Variants in KAT6B observed in about 807,000 individuals in gnomAD.
KAT6B encodes histone acetyltransferase KAT6B.
In KAT6B, 10 loss-of-function variants were observed where a neutral mutation model predicts 187.5. The ratio of observed to expected loss-of-function variants is 0.05; its 90% CI spans 0.03 to 0.09. The LOEUF is 0.09. Among genes scored for constraint, KAT6B ranks in the 10% least tolerant of loss-of-function variants. KAT6B has a pLI of 1.00. For missense variants in KAT6B, 1,952 were observed against 2,558.9 expected, an observed-to-expected ratio of 0.76 and a Z score of 5.12; for synonymous variants, 861 against 926.8, an observed-to-expected ratio of 0.93 and a Z score of 1.29.
intron 3 of KAT6B, among the ~76,000 whole-genome samples, chr10:74,896,874 G>A (rs1007160981): frequency 6.6e-6 from 1 of 152,088 alleles, no homozygotes; most frequent in Non-Finnish European, 1.5e-5. Flanking sequence ...CACGTAAACT[G>A]TACTAATGCC....
chr10:75,025,496 A>G, intron 17 of KAT6B: 1 of 444,178 alleles, frequency 2.3e-6, no homozygotes, highest in Admixed American at 3.7e-5. Context: ...TACTTACCAG[A>G]AATTGGCTTA....
chr10:74,969,792 T>C lies in KAT6B; in HGVS notation c.846+17T>C, dbSNP rs1292847804. 1 of 1,530,950 alleles carries C rather than the reference T, an allele frequency of 6.5e-7. No individual in the cohort carries two copies. Among genetic ancestry groups the C allele is most frequent in the South Asian group, 1.1e-5 (1 of 89,280 alleles). 94.8% of individuals were successfully genotyped at this position (1,530,950 alleles called of 1,614,324 possible). ...AGAAATGCTGTAAGTATGGCTCCCG[T>C]AATCCGCCTCCAGGTAACTCGCTAA... is the stretch of plus-strand genomic sequence containing the variant. On this transcript the variant is annotated intron_variant, in intron 5 of 17. Transcript: ENST00000287239.
intron 4 of KAT6B, among the ~76,000 whole-genome samples, chr10:74,967,251 A>T (rs1324475225): frequency 6.7e-6 from 1 of 150,218 alleles, no homozygotes; most frequent in East Asian, 2.0e-4. Flanking sequence ...AATGTCGTGA[A>T]CCTGGGAGGT....
intron 3 of KAT6B, among the ~76,000 whole-genome samples, chr10:74,896,637 CTT>C (rs748077068): frequency 1.1e-4 from 16 of 152,182 alleles, no homozygotes; most frequent in Admixed American, 2.0e-4. Flanking sequence ...GAGCAAATGC[CTT>C]TTTAGAAATA....
At chr10:74,936,260 G>T (rs1227417951) in intron 3 of KAT6B, among the ~76,000 whole-genome samples, 2 of 151,922 alleles carry the variant, frequency 1.3e-5, no homozygotes, top group African/African-American at 4.8e-5. Flanking sequence ...AAAATTAGCC[G>T]GGCATGGTGG....
chr10:74,986,447 C>A (rs2133840412), intron 12 of KAT6B, among the ~76,000 whole-genome samples: 1 of 152,180 alleles, frequency 6.6e-6, no homozygotes, highest in South Asian at 2.1e-4. Context: ...AAATGGGATG[C>A]TTTATAGAAG....
chr10:74,837,483 A>T (rs536426776), intron 1 of KAT6B, among the ~76,000 whole-genome samples: 1 of 152,196 alleles, frequency 6.6e-6, no homozygotes, highest in East Asian at 1.9e-4. Flanking sequence ...TTCGCTTGTG[A>T]TAGAATGTCC....
chr10:74,950,030 A>G (rs917512906), intron 3 of KAT6B, among the ~76,000 whole-genome samples: 3 of 152,192 alleles, frequency 2.0e-5, no homozygotes, highest in Non-Finnish European at 4.4e-5. Context: ...GGGGGATGAT[A>G]TAGTGCTCCC....
chr10:75,013,779 G>A (rs1213945059), intron 13 of KAT6B, among the ~76,000 whole-genome samples: 1 of 152,136 alleles, frequency 6.6e-6, no homozygotes, highest in Non-Finnish European at 1.5e-5. Flanking sequence ...CACATCTTAT[G>A]GATGAGGGAT....
intron 3 of KAT6B, among the ~76,000 whole-genome samples, chr10:74,906,838 C>T (rs970629797): frequency 1.3e-5 from 2 of 152,158 alleles, no homozygotes; most frequent in African/African-American, 2.4e-5. Flanking sequence ...CTTTCTGGAG[C>T]GTCCGCCTCT....
chr10:74,874,802 G>A (rs1278214425), intron 3 of KAT6B, among the ~76,000 whole-genome samples: 1 of 152,004 alleles, frequency 6.6e-6, no homozygotes, highest in Non-Finnish European at 1.5e-5. Context: ...TTGTGTGTGG[G>A]TGGTGTGTGT....
rs1841494262 is a variant in KAT6B at position 74,838,666 on chromosome 10, C to T, written c.-328-17C>T. On this transcript the variant is annotated splice_polypyrimidine_tract_variant and intron_variant, in intron 1 of 17. Coordinates refer to ENST00000287239, the MANE Select transcript of KAT6B (RefSeq NM_012330.4). ...GTCCTTATGTCCAAATGAACATTTC[C>T]TTTTTTCTTTTGGCAGATTTGCCTG... 1 of 152,146 alleles carries T rather than the reference C, an allele frequency of 6.6e-6. No individual in the cohort carries two copies. The highest frequency in any genetic ancestry group is 2.4e-5 in the African/African-American group (1 of 41,418). 9.4% of individuals were successfully genotyped at this position (152,146 alleles called of 1,614,324 possible).
intron 13 of KAT6B, among the ~76,000 whole-genome samples, chr10:74,991,747 A>G (rs1843134934): frequency 6.6e-6 from 1 of 152,234 alleles, no homozygotes; most frequent in Non-Finnish European, 1.5e-5. Flanking sequence ...AGAAGGGGAA[A>G]CTAGGGGAAG....
chr10:74,861,150 AC>A (rs1564527092), intron 3 of KAT6B, among the ~76,000 whole-genome samples: 7 of 151,872 alleles, frequency 4.6e-5, no homozygotes, highest in South Asian at 2.1e-4. Flanking sequence ...AAAAAAAAAA[AC>A]ATTAGCCGGG....
At chr10:74,919,731 C>T (rs1477055398) in intron 3 of KAT6B, among the ~76,000 whole-genome samples, 3 of 152,158 alleles carry the variant, frequency 2.0e-5, no homozygotes. Flanking sequence ...ATCTCATTTT[C>T]AGTCTCCAAT....
At chr10:74,951,430 C>T (rs1206199302) in intron 3 of KAT6B, among the ~76,000 whole-genome samples, 2 of 137,256 alleles carry the variant, frequency 1.5e-5, no homozygotes, top group Admixed American at 6.8e-5. Flanking sequence ...CCACGCCCAG[C>T]GACCCTTTTT....
At chr10:74,861,862 A>G (rs1309589250) in intron 3 of KAT6B, among the ~76,000 whole-genome samples, 1 of 152,240 alleles carries the variant, frequency 6.6e-6, no homozygotes, top group East Asian at 1.9e-4. Context: ...ACTCTACAAG[A>G]AATTAATGAT....
intron 3 of KAT6B, among the ~76,000 whole-genome samples, chr10:74,877,592 A>G (rs373615893): frequency 2.4e-4 from 36 of 152,206 alleles, no homozygotes; most frequent in African/African-American, 8.7e-4. Context: ...TTGTTAAAAT[A>G]TGTTTAATAG....
At chr10:74,896,361 G>A (rs1320085241) in intron 3 of KAT6B, among the ~76,000 whole-genome samples, 1 of 152,032 alleles carries the variant, frequency 6.6e-6, no homozygotes, top group Non-Finnish European at 1.5e-5. Context: ...ACGGGATCTC[G>A]GCTCACTGCA....
Sources: allele counts gnomAD v4.1 joint callset (sites outside exome capture counted in the v4.1 genomes callset), GRCh38; gene constraint gnomAD v4.1.1; transcripts MANE v1.5; gene names NCBI Gene and HGNC (gene_info 2026-07-23, HGNC 2026-07-21).